THSD7A: variants seen among roughly 807,000 people sequenced by gnomAD.
THSD7A encodes thrombospondin type 1 domain containing 7A.
Under a neutral mutation model 231.3 loss-of-function variants are expected in THSD7A, and 96 were observed. The observed-to-expected ratio is 0.41, with a 90% CI of 0.35 to 0.49. THSD7A has a LOEUF of 0.49. THSD7A is among the 20% of genes least tolerant of loss of function. The pLI is 0.05. For synonymous variants in THSD7A, 940 were observed against 743.3 expected, an observed-to-expected ratio of 1.26 and a Z score of -4.30; for missense variants, 2,290 against 2,070.2, an observed-to-expected ratio of 1.11 and a Z score of -2.06.
chr7:11,820,403 T>A (rs1470695643), intron 1 of THSD7A: 3 of 1,328,332 alleles, frequency 2.3e-6, no homozygotes, highest in Admixed American at 5.9e-5. Flanking sequence ...TCCTCCCCAC[T>A]GAACTTGTCA....
chr7:11,721,798 T>C (rs1233346776), intron 1 of THSD7A, among the ~76,000 whole-genome samples: 2 of 151,930 alleles, frequency 1.3e-5, no homozygotes, highest in Non-Finnish European at 2.9e-5. Flanking sequence ...GATTTCCCAA[T>C]GATTTTAGGT....
intron 5 of THSD7A, among the ~76,000 whole-genome samples, chr7:11,542,041 C>G (rs1789173671): frequency 6.6e-6 from 1 of 152,118 alleles, no homozygotes; most frequent in Non-Finnish European, 1.5e-5. Flanking sequence ...TACCGATGAC[C>G]AGACAAAAGT....
chr7:11,647,496 C>T (rs554432030), intron 1 of THSD7A, among the ~76,000 whole-genome samples: 22 of 152,056 alleles, frequency 1.4e-4, no homozygotes, highest in African/African-American at 5.1e-4. Flanking sequence ...AATACTACTA[C>T]TCAAATTAGA....
chr7:11,519,236 C>T (rs187730447), intron 6 of THSD7A, among the ~76,000 whole-genome samples: 27 of 152,316 alleles, frequency 1.8e-4, no homozygotes. Context: ...AAAGAGAGCA[C>T]TGCCAGCAGC....
At chr7:11,747,973 G>T (rs1362505305) in intron 1 of THSD7A, among the ~76,000 whole-genome samples, 1 of 151,984 alleles carries the variant, frequency 6.6e-6, no homozygotes, top group African/African-American at 2.4e-5. Flanking sequence ...TGATAAGAAG[G>T]CAGGAGAAGA....
chr7:11,486,436 C>G (rs1027547449), intron 6 of THSD7A, among the ~76,000 whole-genome samples: 2 of 152,096 alleles, frequency 1.3e-5, no homozygotes, highest in Non-Finnish European at 2.9e-5. Flanking sequence ...TATCAGCAGC[C>G]CCACAGTTAG....
At chr7:11,602,769 G>A (rs2681049) in intron 2 of THSD7A, among the ~76,000 whole-genome samples, 53,506 of 151,352 alleles carry the variant, frequency 0.35, 9,657 homozygotes, top group African/African-American at 0.37. Context: ...AAAAGAAGAT[G>A]ATATTTGTAT....
chr7:11,549,509 C>G (rs1352781035), intron 4 of THSD7A, among the ~76,000 whole-genome samples: 1 of 152,026 alleles, frequency 6.6e-6, no homozygotes, highest in Non-Finnish European at 1.5e-5. Flanking sequence ...TTCACAATAG[C>G]AAAGACATGG....
intron 2 of THSD7A, among the ~76,000 whole-genome samples, chr7:11,621,109 C>T (rs1403721749): frequency 6.6e-6 from 1 of 152,202 alleles, no homozygotes; most frequent in Non-Finnish European, 1.5e-5. Context: ...TTTCACAACA[C>T]ATTGCTTTGG....
chr7:11,546,839 A>G (rs1248103990), intron 4 of THSD7A, among the ~76,000 whole-genome samples: 1 of 152,180 alleles, frequency 6.6e-6, no homozygotes, highest in Non-Finnish European at 1.5e-5. Context: ...AAAAGATGAA[A>G]TAGCTTTTTT....
chr7:11,783,529 T>C (rs1783697052), intron 1 of THSD7A, among the ~76,000 whole-genome samples: 1 of 152,178 alleles, frequency 6.6e-6, no homozygotes, highest in African/African-American at 2.4e-5. Flanking sequence ...AGTATAATTT[T>C]ATAGATCAAA....
chr7:11,648,471 A>G lies in THSD7A; in HGVS notation c.191-11510T>C, dbSNP rs904017253. On this transcript the variant is annotated intron_variant, in intron 1 of 27. Transcript: ENST00000423059. ...TTGTTCTGTGTGGGCCTGATCCCCA[A>G]TGCTCCGTTTCTGTTGTACATTGGA... Among the ~76,000 whole-genome samples, 4 of 152,064 alleles carry G rather than the reference A, an allele frequency of 2.6e-5. No homozygotes were observed. The East Asian group carries it at 5.8e-4, about 22-fold the overall frequency.
chr7:11,418,745 C>T, intron 16 of THSD7A, among the ~76,000 whole-genome samples: 1 of 152,068 alleles, frequency 6.6e-6, no homozygotes, highest in African/African-American at 2.4e-5. Context: ...CATTCAAACA[C>T]TGGAAAACTG....
intron 1 of THSD7A, among the ~76,000 whole-genome samples, chr7:11,827,601 C>T (rs1265853455): frequency 6.6e-6 from 1 of 152,028 alleles, no homozygotes; most frequent in Non-Finnish European, 1.5e-5. Context: ...TCCCAATATT[C>T]TCTGTGAAAT....
chr7:11,743,279 C>T (rs1782171571), intron 1 of THSD7A, among the ~76,000 whole-genome samples: 1 of 151,792 alleles, frequency 6.6e-6, no homozygotes, highest in African/African-American at 2.4e-5. Flanking sequence ...TAACATCAAA[C>T]CTCATTTACC....
At chr7:11,450,922 AT>A (rs565263439) in intron 11 of THSD7A, among the ~76,000 whole-genome samples, 113 of 152,100 alleles carry the variant, frequency 7.4e-4, no homozygotes, top group African/African-American at 2.5e-3. Flanking sequence ...TTAAAGTAAA[AT>A]TCCATATTTA....
intron 1 of THSD7A, among the ~76,000 whole-genome samples, chr7:11,752,981 C>G (rs1032691758): frequency 1.3e-5 from 2 of 151,946 alleles, no homozygotes; most frequent in Non-Finnish European, 2.9e-5. Context: ...ATATTTAACT[C>G]TTTACATAGT....
chr7:11,580,713 C>A (rs931085259), intron 4 of THSD7A, among the ~76,000 whole-genome samples: 5 of 151,978 alleles, frequency 3.3e-5, no homozygotes, highest in African/African-American at 1.2e-4. Flanking sequence ...AGGGGAACAA[C>A]ACGCACTGGG....
chr7:11,805,933 A>G (rs1489949601), intron 1 of THSD7A, among the ~76,000 whole-genome samples: 9 of 152,182 alleles, frequency 5.9e-5, no homozygotes, highest in Admixed American at 5.9e-4. Flanking sequence ...TGTAAATTAT[A>G]CTTGCCTTAC....
Sources: allele counts gnomAD v4.1 joint callset (sites outside exome capture counted in the v4.1 genomes callset), GRCh38; gene constraint gnomAD v4.1.1; transcripts MANE v1.5; gene names NCBI Gene and HGNC (gene_info 2026-07-23, HGNC 2026-07-21).